ADGRL2: variants seen among roughly 807,000 people sequenced by gnomAD.
The protein encoded by ADGRL2 is adhesion G protein-coupled receptor L2.
ADGRL2 carries 44 observed loss-of-function variants against 157.4 expected under a neutral mutation model. That is an observed-to-expected ratio of 0.28 (90% CI 0.22 to 0.36). The LOEUF is 0.36. Ranked by LOEUF, ADGRL2 falls within the 10% of genes least tolerant of loss-of-function variation. The pLI is 1.00. For synonymous variants in ADGRL2, 585 were observed against 624.7 expected (o/e 0.94, Z 0.95); for missense variants, 1,510 against 1,768.9 (o/e 0.85, Z 2.63).
intron 1 of ADGRL2, among the ~76,000 whole-genome samples, chr1:81,309,265 G>A (rs539550535): frequency 6.6e-6 from 1 of 152,216 alleles, no homozygotes; most frequent in African/African-American, 2.4e-5. Flanking sequence ...CATATGGATT[G>A]ATTATGATAT....
intron 3 of ADGRL2, among the ~76,000 whole-genome samples, chr1:81,919,676 A>T (rs965064209): frequency 1.3e-5 from 2 of 152,026 alleles, no homozygotes; most frequent in East Asian, 3.9e-4. Flanking sequence ...TTATCTTATG[A>T]CATCCTAAAG....
Position 81,356,971 on chromosome 1 carries a change from A to AAAGAAG in ADGRL2, c.-302+50463_-302+50468dup, listed in dbSNP as rs1553156786. On this transcript the variant is annotated intron_variant, in intron 1 of 24. Coordinates refer to the ADGRL2 transcript ENST00000370721. ...CCGTCTCAAAAAAAAAAAAAAAAAA[A>AAAGAAG]AAGAAGTTGTTTCCTTTTAAAGCTC... Among the ~76,000 whole-genome samples, 879 of 98,664 alleles carry AAAGAAG rather than the reference A, an allele frequency of 8.9e-3. 17 individuals are homozygous for AAAGAAG. The highest frequency in any genetic ancestry group is 0.037 in the Middle Eastern group (5 of 134). The allele number at this position is 98,664 out of a possible 152,430, so 64.7% of individuals were successfully genotyped here. A position where few individuals can be genotyped will look rare whatever the true frequency, so the allele number is the denominator to read the frequency against.
chr1:81,462,636 C>T (rs1328133726), intron 2 of ADGRL2, among the ~76,000 whole-genome samples: 1 of 152,114 alleles, frequency 6.6e-6, no homozygotes, highest in African/African-American at 2.4e-5. Flanking sequence ...TGTTACTTGG[C>T]CCTTGTTCTC....
chr1:81,644,492 A>G (rs771413713), intron 3 of ADGRL2, among the ~76,000 whole-genome samples: 1 of 152,202 alleles, frequency 6.6e-6, no homozygotes, highest in Non-Finnish European at 1.5e-5. Flanking sequence ...ACTGTTACCT[A>G]AAATATACAA....
chr1:81,923,890 A>C (rs1308882364), intron 3 of ADGRL2, among the ~76,000 whole-genome samples: 1 of 152,172 alleles, frequency 6.6e-6, no homozygotes, highest in Non-Finnish European at 1.5e-5. Context: ...GGGAAATAAT[A>C]TAAACAAGGA....
chr1:81,662,306 A>T (rs1471343358), intron 3 of ADGRL2, among the ~76,000 whole-genome samples: 1 of 135,638 alleles, frequency 7.4e-6, no homozygotes, highest in Non-Finnish European at 1.5e-5. Flanking sequence ...CCTAGGCTGG[A>T]GTGCAGTGGT....
intron 1 of ADGRL2, among the ~76,000 whole-genome samples, chr1:81,314,573 A>G (rs1300902062): frequency 6.6e-6 from 1 of 152,204 alleles, no homozygotes; most frequent in Non-Finnish European, 1.5e-5. Context: ...TATTCATCCA[A>G]TTCTCAACAC....
chr1:81,865,975 T>C (rs773953231), intron 2 of ADGRL2, among the ~76,000 whole-genome samples: 1 of 152,130 alleles, frequency 6.6e-6, no homozygotes, highest in Non-Finnish European at 1.5e-5. Flanking sequence ...TTAAATAGAT[T>C]AGAAAAAGGG....
At chr1:81,412,744 A>T (rs989870683) in intron 1 of ADGRL2, among the ~76,000 whole-genome samples, 1 of 152,212 alleles carries the variant, frequency 6.6e-6, no homozygotes, top group Non-Finnish European at 1.5e-5. Flanking sequence ...GGATGTATAG[A>T]TTTATTGATG....
At chr1:81,865,854 T>C (rs2093527685) in intron 2 of ADGRL2, among the ~76,000 whole-genome samples, 1 of 152,330 alleles carries the variant, frequency 6.6e-6, no homozygotes, top group African/African-American at 2.4e-5. Context: ...ATCTTCTAAG[T>C]TAAGAAAGGT....
At chr1:81,570,227 C>T (rs991385119) in intron 2 of ADGRL2, among the ~76,000 whole-genome samples, 1 of 152,148 alleles carries the variant, frequency 6.6e-6, no homozygotes, top group Admixed American at 6.5e-5. Context: ...TGGAACCTGG[C>T]TATGTTCCCA....
At chr1:81,539,264 C>G (rs1484969793) in intron 2 of ADGRL2, among the ~76,000 whole-genome samples, 2 of 151,442 alleles carry the variant, frequency 1.3e-5, no homozygotes, top group Non-Finnish European at 2.9e-5. Flanking sequence ...CCACTAAATT[C>G]CCTCCTTCAA....
At chr1:81,506,096 A>G (rs1398355152) in intron 2 of ADGRL2, 3 of 160,678 alleles carry the variant, frequency 1.9e-5, no homozygotes, top group Non-Finnish European at 4.1e-5. Flanking sequence ...TGTTTGCATC[A>G]AATACAGGTC....
At chr1:81,697,999 G>C (rs1368234065), upstream of ADGRL2, among the ~76,000 whole-genome samples, 1 of 152,140 alleles carries the variant, frequency 6.6e-6, no homozygotes, top group African/African-American at 2.4e-5. Context: ...GGACAAACTG[G>C]AATCTCTCCA....
At chr1:81,427,269 G>A in intron 1 of ADGRL2, 1 of 744,188 alleles carries the variant, frequency 1.3e-6, no homozygotes, top group Non-Finnish European at 2.5e-6. Context: ...TATGAAGGAG[G>A]TGATGGTGGA....
intron 11 of ADGRL2, among the ~76,000 whole-genome samples, chr1:81,957,070 T>A (rs1268782862): frequency 6.6e-6 from 1 of 152,052 alleles, no homozygotes; most frequent in Non-Finnish European, 1.5e-5. Flanking sequence ...AGAAATGAAA[T>A]ATTTTAAAAA....
At chr1:81,357,018 T>C (rs1311144841) in intron 1 of ADGRL2, among the ~76,000 whole-genome samples, 1 of 149,206 alleles carries the variant, frequency 6.7e-6, no homozygotes, top group Non-Finnish European at 1.5e-5. Flanking sequence ...CACATTTCCC[T>C]TTATCTAAGG....
At chr1:81,841,457 A>C (rs2092576199) in intron 2 of ADGRL2, among the ~76,000 whole-genome samples, 1 of 152,168 alleles carries the variant, frequency 6.6e-6, no homozygotes, top group Non-Finnish European at 1.5e-5. Flanking sequence ...TTAAATATGA[A>C]ATAGTGAAAA....
intron 1 of ADGRL2, among the ~76,000 whole-genome samples, chr1:81,327,434 G>A (rs1660979115): frequency 6.6e-6 from 1 of 152,196 alleles, no homozygotes; most frequent in African/African-American, 2.4e-5. Context: ...AAGAAAGGCA[G>A]TCTGTGCCAG....
Sources: allele counts gnomAD v4.1 joint callset (sites outside exome capture counted in the v4.1 genomes callset), GRCh38; gene constraint gnomAD v4.1.1; transcripts MANE v1.5; gene names NCBI Gene and HGNC (gene_info 2026-07-23, HGNC 2026-07-21).